AGAP4: variants seen among roughly 807,000 people sequenced by gnomAD.
AGAP4 encodes ArfGAP with GTPase domain, ankyrin repeat and PH domain 4, also known as arf-GAP with GTPase, ANK repeat and PH domain-containing protein 4.
In AGAP4, 13 loss-of-function variants were observed where a neutral mutation model predicts 60.7. The ratio of observed to expected loss-of-function variants is 0.21; its 90% CI spans 0.14 to 0.34. The LOEUF (loss-of-function observed/expected upper bound fraction) is 0.34. Among genes scored for constraint, AGAP4 ranks in the 10% least tolerant of loss-of-function variants. The probability of loss-of-function intolerance (pLI) is 1.00; values close to 1 mark genes in which losing one functional copy is unlikely to be tolerated. For synonymous variants in AGAP4, 70 were observed against 339.0 expected (o/e 0.21, Z 8.72); for missense variants, 169 against 884.0 (o/e 0.19, Z 10.26).
chr10:45,826,851 T>C lies in AGAP4; in HGVS notation c.1125A>G (p.Ile375Met). Residue 375 changes from isoleucine (I) to methionine (M), a missense_variant, in exon 8 of 8, where the codon ATA becomes ATG. Transcript: ENST00000616763. Reference protein sequence around the residue: ...KDMDTGLGDSICFSPSISSTT... With the variant: ...KDMDTGLGDSMCFSPSISSTT... ...TGCTGGAGATACTGGGGCTGAAGCA[T>C]ATGGAGTCACCCAGCCCGGTGTCCA... 10 of 1,304,222 alleles carry C rather than the reference T, an allele frequency of 7.7e-6. 3 individuals carry two copies. Among genetic ancestry groups the C allele is most frequent in the East Asian group, 2.4e-5 (1 of 41,338 alleles). 80.8% of individuals were successfully genotyped at this position (1,304,222 alleles called of 1,614,324 possible).
upstream of AGAP4, among the ~76,000 whole-genome samples, chr10:45,852,238 A>C (rs1208402868): frequency 1.4e-4 from 19 of 135,280 alleles, no homozygotes; most frequent in South Asian, 2.4e-4. Context: ...AAAAAAAAAA[A>C]AAAAACTACT....
In AGAP4 at chr10:45,825,985, G is replaced by A; in HGVS notation, c.1991C>T (p.Ala664Val). ...DAHGNTALTY[A>V]RQASSQECIN... is the part of the protein sequence containing the mutation. ...GCACTCCTGGCTGGAGGCCTGCCGG[G>A]CGTAGGTCAGCGCTGTGTTCCCGTG... Residue 664 changes from alanine (A) to valine (V), a missense_variant, in exon 8 of 8, where the codon GCC (alanine) becomes GTC (valine). Physicochemically the swap from Ala to Val is moderately conservative, Grantham distance 64. Transcript: ENST00000616763. 6.6e-6 allele frequency: 9 copies of A among 1,370,166 alleles called. 2 individuals are homozygous for A. The highest frequency in any genetic ancestry group is 9.0e-6 in the Non-Finnish European group (9 of 1,002,158). 84.9% of individuals were successfully genotyped at this position (1,370,166 alleles called of 1,614,324 possible). A position where few individuals can be genotyped will look rare whatever the true frequency, so the allele number is the denominator to read the frequency against.
chr10:45,850,961 G>A (rs1463946600), upstream of AGAP4, among the ~76,000 whole-genome samples: 1 of 152,028 alleles, frequency 6.6e-6, no homozygotes, highest in Non-Finnish European at 1.5e-5. Flanking sequence ...AAGCCATTAA[G>A]CGTAACTGGG....
At chr10:45,852,229 A>C (rs1554900500), upstream of AGAP4, among the ~76,000 whole-genome samples, 1 of 144,466 alleles carries the variant, frequency 6.9e-6, no homozygotes, top group Admixed American at 6.9e-5. Context: ...AAAAAAAAAA[A>C]AAAAAAAAAA....
upstream of AGAP4, among the ~76,000 whole-genome samples, chr10:45,849,327 C>G (rs2059050754): frequency 6.6e-6 from 1 of 151,698 alleles, no homozygotes; most frequent in African/African-American, 2.4e-5. Context: ...AATCACCTCC[C>G]CCTAGGCCCC....
intron 4 of AGAP4, among the ~76,000 whole-genome samples, chr10:45,834,843 G>C (rs2058791702): frequency 6.9e-6 from 1 of 145,462 alleles, no homozygotes. Flanking sequence ...GCGCGATCTC[G>C]GCTCACTGCA....
upstream of AGAP4, among the ~76,000 whole-genome samples, chr10:45,851,726 TAGAAG>T (rs1378503239): frequency 6.6e-6 from 1 of 151,254 alleles, no homozygotes; most frequent in African/African-American, 2.4e-5. Context: ...TTTTTGAGGT[TAGAAG>T]AGAAGGAAGA....
At chr10:45,851,322 T>A (rs1590045689), upstream of AGAP4, among the ~76,000 whole-genome samples, 1 of 151,780 alleles carries the variant, frequency 6.6e-6, no homozygotes, top group Admixed American at 6.6e-5. Context: ...CTCCTGTGAG[T>A]TGTTAGAAAG....
chr10:45,847,526 C>G, upstream of AGAP4: 6 of 1,500,154 alleles, frequency 4.0e-6, no homozygotes, highest in Non-Finnish European at 5.3e-6. Context: ...GCCCCGGCCC[C>G]GGCTAGGGCT....
chr10:45,838,781 G>C (rs1448325350), intron 4 of AGAP4, among the ~76,000 whole-genome samples: 2 of 151,706 alleles, frequency 1.3e-5, no homozygotes, highest in Admixed American at 1.3e-4. Flanking sequence ...TTGCGATGTT[G>C]ACCAGGCTAA....
chr10:45,853,874 T>C (rs1352838121), exon 1 of AGAP4: 3 of 1,231,206 alleles, frequency 2.4e-6, no homozygotes, highest in Non-Finnish European at 3.1e-6. Flanking sequence ...TCACTTCCTA[T>C]CAGTTCAGTT....
intron 4 of AGAP4, among the ~76,000 whole-genome samples, chr10:45,835,144 G>A (rs2058798111): frequency 7.1e-6 from 1 of 140,178 alleles, no homozygotes; most frequent in Admixed American, 6.9e-5. Flanking sequence ...TTTTATTGCA[G>A]TGAATACAAG....
At chr10:45,849,470 G>GATT (rs201974903), upstream of AGAP4, among the ~76,000 whole-genome samples, 23,172 of 142,304 alleles carry the variant, frequency 0.16, 901 homozygotes, top group Admixed American at 0.28. Flanking sequence ...TGATGATGAT[G>GATT]ATGATTATTA....
At chr10:45,845,619 G>C (rs1159854069) in intron 2 of AGAP4, among the ~76,000 whole-genome samples, 1 of 110,640 alleles carries the variant, frequency 9.0e-6, no homozygotes, top group Non-Finnish European at 1.9e-5. Context: ...TTTTTTTTTT[G>C]TGAGACGGAG....
At chr10:45,839,362 C>T (rs2058880887) in intron 4 of AGAP4, among the ~76,000 whole-genome samples, 1 of 117,808 alleles carries the variant, frequency 8.5e-6, no homozygotes, top group African/African-American at 2.9e-5. Flanking sequence ...AGGTCAGTTG[C>T]AAATCTCTAA....
rs1321196144 is a variant in AGAP4 at position 45,834,419 on chromosome 10, T to C, written c.397-303A>G. Among the ~76,000 whole-genome samples the C allele has an allele frequency of 4.5e-3, 643 of 141,942 alleles. 41 individuals are homozygous for C. The highest frequency in any genetic ancestry group is 0.017 in the Middle Eastern group (5 of 290). 93.1% of individuals were successfully genotyped at this position (141,942 alleles called of 152,430 possible). On this transcript the variant is annotated intron_variant, in intron 4 of 7. Coordinates refer to ENST00000616763, the MANE Select transcript of AGAP4 (RefSeq NM_001276343.3). ...CGCGGGGCACGGTGGCTCACACCTG[T>C]AATCCTAGCACTTTGGGAGGTGGAG... is the stretch of plus-strand genomic sequence containing the variant.
At position 45,827,217 on chromosome 10, in the gene AGAP4, C is replaced by G; in HGVS notation, c.759G>C (p.Leu253=). 1 of 1,358,272 alleles carries G rather than the reference C, an allele frequency of 7.4e-7. No homozygotes were observed. The highest frequency in any genetic ancestry group is 1.0e-6 in the Non-Finnish European group (1 of 995,868). The allele number at this position is 1,358,272 out of a possible 1,614,324, so 84.1% of individuals were successfully genotyped here. A position where few individuals can be genotyped will look rare whatever the true frequency, so the allele number is the denominator to read the frequency against. ...VCKRSMRWSN[L]FTSEKGSDPD... Reference sequence around the variant, plus strand: ...GGTCACTCCCTTTCTCAGATGTAAACAGGTTGGACCAGCGCATGGACCGCT... The same window carrying G: ...GGTCACTCCCTTTCTCAGATGTAAAGAGGTTGGACCAGCGCATGGACCGCT... The change falls in exon 8 of 8, where the codon CTG becomes CTC. Residue 253 remains leucine, a synonymous_variant. Coordinates refer to ENST00000616763, the MANE Select transcript of AGAP4 (RefSeq NM_001276343.3).
At chr10:45,836,954 C>T (rs1268415182) in intron 4 of AGAP4, among the ~76,000 whole-genome samples, 1 of 149,398 alleles carries the variant, frequency 6.7e-6, no homozygotes, top group African/African-American at 2.5e-5. Context: ...GCAACCTCTG[C>T]CTCCGAGGTT....
upstream of AGAP4, chr10:45,847,515 G>C (rs1299381775): frequency 6.6e-7 from 1 of 1,507,870 alleles, no homozygotes; most frequent in Non-Finnish European, 8.8e-7. Flanking sequence ...CCCTGGCCCT[G>C]GCCCCGGCCC....
Sources: allele counts gnomAD v4.1 joint callset (sites outside exome capture counted in the v4.1 genomes callset), GRCh38; gene constraint gnomAD v4.1.1; transcripts MANE v1.5; gene names NCBI Gene and HGNC (gene_info 2026-07-23, HGNC 2026-07-21).